The following RAB38 variants were observed in gnomAD, a reference collection of about 807,000 sequenced individuals.
RAB38 encodes the protein RAB38, member RAS oncogene family, also known as ras-related protein Rab-38.
A neutral mutation model predicts 18.4 loss-of-function variants in RAB38; 15 were observed. That is an observed-to-expected ratio of 0.82 (90% CI 0.55 to 1.26). RAB38 has a LOEUF of 1.26. Among genes scored for constraint, RAB38 ranks in the 50% most tolerant of loss-of-function variants. The probability of loss-of-function intolerance (pLI) is 0.00; values close to 1 mark genes in which losing one functional copy is unlikely to be tolerated. For missense variants in RAB38, 294 were observed against 267.4 expected (o/e 1.10, Z -0.69); for synonymous variants, 101 against 104.4 (o/e 0.97, Z 0.20).
chr11:88,103,403 T>C, the RAB38 span, among the ~76,000 whole-genome samples: 1 of 152,108 alleles, frequency 6.6e-6, no homozygotes. Flanking sequence ...AAATTACATA[T>C]ACACCTTATC....
intron 2 of RAB38, among the ~76,000 whole-genome samples, chr11:88,126,245 C>T (rs191305715): frequency 6.6e-6 from 1 of 152,282 alleles, no homozygotes; most frequent in Non-Finnish European, 1.5e-5. Flanking sequence ...TTTTAAGACA[C>T]ATGCACACGT....
the RAB38 span, among the ~76,000 whole-genome samples, chr11:88,105,675 T>C: frequency 6.6e-6 from 1 of 152,126 alleles, no homozygotes; most frequent in Non-Finnish European, 1.5e-5. Context: ...GCCCCTTTTC[T>C]AAAGAATTGG....
the RAB38 span, among the ~76,000 whole-genome samples, chr11:87,855,137 G>A: frequency 6.6e-6 from 1 of 152,204 alleles, no homozygotes; most frequent in African/African-American, 2.4e-5. Flanking sequence ...AAGTTGTGAT[G>A]AAAGTTTCCC....
chr11:87,810,908 G>T, the RAB38 span, among the ~76,000 whole-genome samples: 1 of 152,154 alleles, frequency 6.6e-6, no homozygotes, highest in South Asian at 2.1e-4. Context: ...CAGCTGAGGG[G>T]CATAAGGCAG....
chr11:87,872,141 G>T, the RAB38 span, among the ~76,000 whole-genome samples: 627 of 151,536 alleles, frequency 4.1e-3, 2 homozygotes, highest in African/African-American at 0.013. Flanking sequence ...ACACTTGTTT[G>T]TCATTCATTT....
the RAB38 span, among the ~76,000 whole-genome samples, chr11:87,954,222 T>C: frequency 3.0e-4 from 45 of 152,286 alleles, no homozygotes; most frequent in Non-Finnish European, 5.6e-4. Flanking sequence ...ATTGTCCTTC[T>C]TGTGAGAGGA....
chr11:87,939,375 T>TAC, the RAB38 span, among the ~76,000 whole-genome samples: 8 of 102,012 alleles, frequency 7.8e-5, no homozygotes, highest in Non-Finnish European at 1.5e-4. Flanking sequence ...AACACACACA[T>TAC]ACATACACAC....
At chr11:88,101,081 T>G in the RAB38 span, among the ~76,000 whole-genome samples, 1 of 151,978 alleles carries the variant, frequency 6.6e-6, no homozygotes, top group Non-Finnish European at 1.5e-5. Context: ...CTTCTCTTCA[T>G]GTATTTATCA....
the RAB38 span, among the ~76,000 whole-genome samples, chr11:88,085,508 T>C: frequency 1.3e-5 from 2 of 152,046 alleles, no homozygotes; most frequent in East Asian, 3.9e-4. Context: ...AACTACCTTG[T>C]CTAAATGGTA....
At chr11:88,086,394 C>T in the RAB38 span, among the ~76,000 whole-genome samples, 32,753 of 151,732 alleles carry the variant, frequency 0.22, 4,402 homozygotes, top group African/African-American at 0.37. Context: ...TCTCCTTGGA[C>T]AAGGGTATTG....
chr11:88,037,485 C>A, the RAB38 span, among the ~76,000 whole-genome samples: 1 of 152,000 alleles, frequency 6.6e-6, no homozygotes, highest in Non-Finnish European at 1.5e-5. Context: ...ACAGTTTGAG[C>A]ACTCTTGGAA....
At chr11:88,163,478 G>A (rs1276393185) in intron 1 of RAB38, among the ~76,000 whole-genome samples, 1 of 151,986 alleles carries the variant, frequency 6.6e-6, no homozygotes, top group Non-Finnish European at 1.5e-5. Flanking sequence ...AACTCTTTTA[G>A]CAATTTCCTT....
chr11:87,973,697 C>T, the RAB38 span, among the ~76,000 whole-genome samples: 3 of 142,582 alleles, frequency 2.1e-5, no homozygotes, highest in African/African-American at 7.5e-5. Context: ...TGGCTACACA[C>T]GTGAAAAATG....
chr11:87,896,200 A>G, the RAB38 span, among the ~76,000 whole-genome samples: 2 of 151,630 alleles, frequency 1.3e-5, no homozygotes, highest in Non-Finnish European at 3.0e-5. Flanking sequence ...CAGCTGTCTG[A>G]CCATAGCCAA....
chr11:88,137,588 G>A (rs766662212), intron 2 of RAB38, among the ~76,000 whole-genome samples: 3 of 152,056 alleles, frequency 2.0e-5, no homozygotes, highest in Non-Finnish European at 2.9e-5. Flanking sequence ...ACTTAGTTCA[G>A]GTTACACCAA....
chr11:87,901,924 CTTTT>C, the RAB38 span, among the ~76,000 whole-genome samples: 6 of 143,480 alleles, frequency 4.2e-5, no homozygotes, highest in Non-Finnish European at 6.1e-5. Flanking sequence ...GTTTGGCTGA[CTTTT>C]TTTTTTTTTT....
At chr11:88,135,357 A>G (rs554007384) in intron 2 of RAB38, among the ~76,000 whole-genome samples, 1 of 152,332 alleles carries the variant, frequency 6.6e-6, no homozygotes, top group East Asian at 1.9e-4. Flanking sequence ...TATTTTGTCC[A>G]CTGGTATAGC....
chr11:88,115,196 A>T (rs995335747), intron 2 of RAB38, among the ~76,000 whole-genome samples: 1 of 152,188 alleles, frequency 6.6e-6, no homozygotes, highest in African/African-American at 2.4e-5. Context: ...ATAAAGTTAA[A>T]TTTGATTGTT....
At chr11:88,121,277 T>G (rs1942624995) in intron 2 of RAB38, among the ~76,000 whole-genome samples, 1 of 152,220 alleles carries the variant, frequency 6.6e-6, no homozygotes, top group African/African-American at 2.4e-5. Flanking sequence ...CTAATGCATA[T>G]GAGGTATCTA....
Sources: allele counts gnomAD v4.1 joint callset (sites outside exome capture counted in the v4.1 genomes callset), GRCh38; gene constraint gnomAD v4.1.1; transcripts MANE v1.5; gene names NCBI Gene and HGNC (gene_info 2026-07-23, HGNC 2026-07-21).